FRMD4A: variants seen among roughly 807,000 people sequenced by gnomAD.
FRMD4A encodes FERM domain containing 4A.
FRMD4A carries 29 observed loss-of-function variants against 129.1 expected under a neutral mutation model. The ratio of observed to expected loss-of-function variants is 0.22; its 90% CI spans 0.17 to 0.31. The LOEUF is 0.31. Ranked by LOEUF, FRMD4A falls within the 10% of genes least tolerant of loss-of-function variation. FRMD4A has a pLI of 1.00. For synonymous variants in FRMD4A, 634 were observed against 571.6 expected (o/e 1.11, Z -1.56); for missense variants, 1,272 against 1,375.8 (o/e 0.92, Z 1.19).
chr10:13,942,287 G>A (rs768620721), intron 2 of FRMD4A, among the ~76,000 whole-genome samples: 2 of 152,214 alleles, frequency 1.3e-5, no homozygotes, highest in Non-Finnish European at 2.9e-5. Flanking sequence ...CTCCATAGAT[G>A]TCTCTGCAAT....
chr10:13,762,529 G>T, intron 7 of FRMD4A, 95 bp downstream of exon 7: 1 of 731,950 alleles, frequency 1.4e-6, no homozygotes, highest in South Asian at 1.6e-5. Flanking sequence ...GACAAATAGT[G>T]AGTAGATACA....
intron 2 of FRMD4A, among the ~76,000 whole-genome samples, chr10:14,249,952 T>C (rs551525053): frequency 6.6e-6 from 1 of 152,332 alleles, no homozygotes; most frequent in African/African-American, 2.4e-5. Context: ...AAGATTATTT[T>C]CTTGTTTTTA....
At chr10:13,921,258 C>T (rs1057056466) in intron 2 of FRMD4A, among the ~76,000 whole-genome samples, 22 of 135,308 alleles carry the variant, frequency 1.6e-4, no homozygotes, top group Admixed American at 8.8e-4. Context: ...TTCTCTCTCT[C>T]TCTCTCTTTC....
chr10:14,261,297 T>C (rs1844791622), intron 2 of FRMD4A, among the ~76,000 whole-genome samples: 1 of 152,212 alleles, frequency 6.6e-6, no homozygotes, highest in African/African-American at 2.4e-5. Flanking sequence ...AAATTTCCTA[T>C]ACATGATGGG....
intron 2 of FRMD4A, among the ~76,000 whole-genome samples, chr10:14,212,969 G>A (rs1005116860): frequency 1.3e-5 from 2 of 152,224 alleles, no homozygotes; most frequent in Non-Finnish European, 2.9e-5. Context: ...AGATGCAGTG[G>A]CTCACGCCTG....
At chr10:13,741,880 C>T (rs558187088) in intron 9 of FRMD4A, among the ~76,000 whole-genome samples, 43 of 152,274 alleles carry the variant, frequency 2.8e-4, no homozygotes, top group Non-Finnish European at 3.8e-4. Flanking sequence ...GTTTTTGAGA[C>T]GCAGTCTCCC....
intron 2 of FRMD4A, among the ~76,000 whole-genome samples, chr10:13,977,150 A>G (rs2095544799): frequency 6.6e-6 from 1 of 152,274 alleles, no homozygotes; most frequent in Non-Finnish European, 1.5e-5. Context: ...ATATGCACTC[A>G]GAAATGCCCA....
intron 3 of FRMD4A, among the ~76,000 whole-genome samples, chr10:13,852,213 C>T (rs534381228): frequency 1.3e-4 from 19 of 151,978 alleles, no homozygotes; most frequent in African/African-American, 2.2e-4. Flanking sequence ...AGAAATACAA[C>T]GTGAGCCACA....
At chr10:13,952,113 C>T (rs916019516) in intron 2 of FRMD4A, among the ~76,000 whole-genome samples, 2 of 148,562 alleles carry the variant, frequency 1.3e-5, no homozygotes, top group African/African-American at 5.0e-5. Flanking sequence ...TATGACTTTC[C>T]CCATGATGTA....
chr10:13,902,764 C>T (rs368419854), intron 2 of FRMD4A, among the ~76,000 whole-genome samples: 21 of 149,186 alleles, frequency 1.4e-4, no homozygotes, highest in African/African-American at 4.9e-4. Context: ...TGCTTGAACC[C>T]GGGAGGTGGA....
intron 2 of FRMD4A, among the ~76,000 whole-genome samples, chr10:14,219,689 T>C (rs79223788): frequency 0.011 from 1,638 of 152,234 alleles, 30 homozygotes; most frequent in African/African-American, 0.038. Flanking sequence ...CTAAGCCCCA[T>C]GTAACACCTT....
At chr10:13,734,795 TG>T (rs1364995182) in intron 12 of FRMD4A, among the ~76,000 whole-genome samples, 1 of 152,226 alleles carries the variant, frequency 6.6e-6, no homozygotes, top group Non-Finnish European at 1.5e-5. Context: ...GTGATGTGCT[TG>T]GCACCTAATA....
At chr10:13,758,907 A>G (rs1300257861) in intron 8 of FRMD4A, among the ~76,000 whole-genome samples, 1 of 152,138 alleles carries the variant, frequency 6.6e-6, no homozygotes, top group Non-Finnish European at 1.5e-5. Flanking sequence ...TAAAATACCT[A>G]ATGTTTAGCC....
At chr10:14,114,206 C>T (rs118106882) in intron 2 of FRMD4A, among the ~76,000 whole-genome samples, 3,847 of 152,328 alleles carry the variant, frequency 0.025, 128 homozygotes, top group Admixed American at 0.1. Context: ...GATTCATTCC[C>T]AATTCCTTTT....
intron 2 of FRMD4A, chr10:13,972,017 A>G (rs886894747): frequency 1.7e-6 from 2 of 1,176,860 alleles, no homozygotes; most frequent in Non-Finnish European, 2.1e-6. Context: ...AGGATAAGCA[A>G]AAGGCTCTTA....
In FRMD4A at chr10:13,892,438, C is replaced by T. The variant is rs116325920; in HGVS notation, c.46-33526G>A. ...AGGGAGACTTCCATTGCGAGAGACC[C>T]GGGGTAGGAAAACGGGCTGACACGT... On this transcript the variant is annotated intron_variant, in intron 2 of 24. Transcript: ENST00000357447. Among the ~76,000 whole-genome samples the T allele has an allele frequency of 3.8e-3, 577 of 152,162 alleles. 6 individuals carry two copies. The highest frequency in any genetic ancestry group is 0.013 in the African/African-American group (554 of 41,522).
intron 2 of FRMD4A, among the ~76,000 whole-genome samples, chr10:14,116,901 T>C (rs1249984309): frequency 6.6e-6 from 1 of 152,186 alleles, no homozygotes; most frequent in African/African-American, 2.4e-5. Flanking sequence ...TGAAATTTAC[T>C]TGTGCTTTCT....
intron 2 of FRMD4A, among the ~76,000 whole-genome samples, chr10:14,103,483 G>T (rs895052490): frequency 6.6e-6 from 1 of 152,144 alleles, no homozygotes; most frequent in Non-Finnish European, 1.5e-5. Flanking sequence ...AGAGGCCTGG[G>T]TCTCTGTTGA....
intron 2 of FRMD4A, among the ~76,000 whole-genome samples, chr10:14,011,482 C>A (rs2095682166): frequency 6.6e-6 from 1 of 152,142 alleles, no homozygotes; most frequent in African/African-American, 2.4e-5. Context: ...AGCCTTCATC[C>A]ATGGTCAAGG....
Sources: gnomAD v4.1 joint callset for allele counts (sites outside exome capture counted in the v4.1 genomes callset) on GRCh38, gnomAD v4.1.1 for gene constraint, MANE v1.5 for transcripts, NCBI Gene and HGNC (gene_info 2026-07-23, HGNC 2026-07-21) for gene names.